GRID2: variants seen among roughly 807,000 people sequenced by gnomAD.
The protein encoded by GRID2 is glutamate ionotropic receptor delta type subunit 2.
GRID2 carries 33 observed loss-of-function variants against 114.8 expected under a neutral mutation model. The observed-to-expected ratio is 0.29, with a 90% CI of 0.22 to 0.38. GRID2 has a LOEUF of 0.38. Ranked by LOEUF, GRID2 falls within the 10% of genes least tolerant of loss-of-function variation. GRID2 has a pLI of 1.00. For missense variants in GRID2, 1,184 were observed against 1,257.7 expected (o/e 0.94, Z 0.89); for synonymous variants, 505 against 449.9 (o/e 1.12, Z -1.55).
chr4:93,463,024 T>C (rs141150238), intron 11 of GRID2, among the ~76,000 whole-genome samples: 1 of 152,238 alleles, frequency 6.6e-6, no homozygotes, highest in East Asian at 1.9e-4. Context: ...ATAATTTTTA[T>C]TTAGGCTCAA....
intron 1 of GRID2, among the ~76,000 whole-genome samples, chr4:92,539,061 G>A (rs1725798035): frequency 1.0e-5 from 1 of 98,370 alleles, no homozygotes; most frequent in Non-Finnish European, 2.1e-5. Flanking sequence ...AAAAAAAAGT[G>A]TCTAATAGGA....
intron 1 of GRID2, among the ~76,000 whole-genome samples, chr4:93,797,073 T>C (rs34736174): frequency 0.15 from 22,692 of 152,212 alleles, 1,974 homozygotes; most frequent in Admixed American, 0.2. Context: ...AGCATGTTAC[T>C]GATTGAATGT....
chr4:93,352,197 A>G (rs554566140), intron 8 of GRID2, among the ~76,000 whole-genome samples: 3 of 152,162 alleles, frequency 2.0e-5, no homozygotes, highest in African/African-American at 7.2e-5. Context: ...GGACAGGTGG[A>G]GATCATTGAA....
At chr4:93,573,746 A>G (rs909952552) in intron 13 of GRID2, among the ~76,000 whole-genome samples, 1 of 152,138 alleles carries the variant, frequency 6.6e-6, no homozygotes, top group African/African-American at 2.4e-5. Context: ...TATCCTTCTT[A>G]ATAAAATCAT....
chr4:92,351,021 G>A (rs1402060693), intron 1 of GRID2, among the ~76,000 whole-genome samples: 1 of 151,566 alleles, frequency 6.6e-6, no homozygotes, highest in Admixed American at 6.6e-5. Flanking sequence ...ACTTTTTTAT[G>A]GCCAAATAAT....
chr4:92,580,201 G>A (rs1728112264), intron 1 of GRID2, among the ~76,000 whole-genome samples: 1 of 151,060 alleles, frequency 6.6e-6, no homozygotes, highest in Non-Finnish European at 1.5e-5. Flanking sequence ...TTTTCTTAAT[G>A]CTTTTGAAAT....
intron 5 of GRID2, among the ~76,000 whole-genome samples, chr4:93,213,130 GT>G (rs1247767402): frequency 5.3e-5 from 8 of 152,016 alleles, no homozygotes; most frequent in Non-Finnish European, 1.0e-4. Context: ...TGTAATGGAT[GT>G]TTTTAATTTT....
chr4:92,652,267 T>A (rs1341494133), intron 2 of GRID2, among the ~76,000 whole-genome samples: 1 of 152,058 alleles, frequency 6.6e-6, no homozygotes, highest in African/African-American at 2.4e-5. Context: ...CATATGTTAA[T>A]CTATCCAGAA....
chr4:92,532,456 A>G (rs891662279), intron 1 of GRID2, among the ~76,000 whole-genome samples: 1 of 152,200 alleles, frequency 6.6e-6, no homozygotes, highest in African/African-American at 2.4e-5. Flanking sequence ...CACAACATAT[A>G]TAATCATAAA....
chr4:92,502,733 T>C (rs76811805), intron 1 of GRID2, among the ~76,000 whole-genome samples: 19 of 89,368 alleles, frequency 2.1e-4, no homozygotes, highest in East Asian at 4.1e-4. Context: ...TTTTTTTTTT[T>C]CCTATACGAA....
chr4:92,494,874 A>G (rs1395542558), intron 1 of GRID2, among the ~76,000 whole-genome samples: 2 of 152,042 alleles, frequency 1.3e-5, no homozygotes, highest in Non-Finnish European at 2.9e-5. Flanking sequence ...AAAGAAAATT[A>G]TTGCTTAAAA....
chr4:92,660,312 T>C (rs1732457129), intron 2 of GRID2, among the ~76,000 whole-genome samples: 1 of 151,352 alleles, frequency 6.6e-6, no homozygotes, highest in African/African-American at 2.4e-5. Context: ...CTATCCCTAA[T>C]GTATTTGTCT....
chr4:93,459,323 A>G (rs1251473485), intron 11 of GRID2, among the ~76,000 whole-genome samples: 1 of 152,044 alleles, frequency 6.6e-6, no homozygotes, highest in Admixed American at 6.6e-5. Context: ...ATCTAAGCCT[A>G]ATTTTTTTTG....
intron 1 of GRID2, among the ~76,000 whole-genome samples, chr4:93,801,148 G>T (rs888061063): frequency 6.6e-6 from 1 of 152,026 alleles, no homozygotes; most frequent in African/African-American, 2.4e-5. Context: ...TTGTTTATAT[G>T]AAAGTAAGCA....
intron 3 of GRID2, among the ~76,000 whole-genome samples, chr4:93,098,647 A>T (rs1731435219): frequency 6.6e-6 from 1 of 151,914 alleles, no homozygotes. Context: ...AATGAAGCAA[A>T]CAGTAAGGTT....
At chr4:92,734,662 A>C (rs554980261) in intron 2 of GRID2, among the ~76,000 whole-genome samples, 1 of 152,146 alleles carries the variant, frequency 6.6e-6, no homozygotes, top group Admixed American at 6.6e-5. Context: ...TATGAGTAAT[A>C]TATGTGTGAT....
intron 10 of GRID2, among the ~76,000 whole-genome samples, chr4:93,452,806 A>C (rs1722807817): frequency 6.6e-6 from 1 of 151,902 alleles, no homozygotes; most frequent in East Asian, 1.9e-4. Flanking sequence ...AGAATAAATA[A>C]TTGTCTTTGA....
chr4:92,355,459 A>G (rs1037022533), intron 1 of GRID2, among the ~76,000 whole-genome samples: 6 of 151,846 alleles, frequency 4.0e-5, no homozygotes, highest in Non-Finnish European at 7.4e-5. Context: ...TACTACAACT[A>G]TAATTAAATA....
chr4:93,182,365 G>A (rs145880077), intron 4 of GRID2, among the ~76,000 whole-genome samples: 3 of 152,112 alleles, frequency 2.0e-5, no homozygotes, highest in East Asian at 1.9e-4. Flanking sequence ...AACTCTAAAT[G>A]TGTGATTTTT....
Sources: gnomAD v4.1 joint callset for allele counts (sites outside exome capture counted in the v4.1 genomes callset) on GRCh38, gnomAD v4.1.1 for gene constraint, MANE v1.5 for transcripts, NCBI Gene and HGNC (gene_info 2026-07-23, HGNC 2026-07-21) for gene names.